The following KPNA5 variants were observed in gnomAD, a reference collection of about 807,000 sequenced individuals.
KPNA5 encodes the protein importin subunit alpha-6.
In KPNA5, 46 loss-of-function variants were observed where a neutral mutation model predicts 71.3. The ratio of observed to expected loss-of-function variants is 0.65; its 90% CI spans 0.51 to 0.83. The LOEUF (loss-of-function observed/expected upper bound fraction) is 0.83, where lower values mean the gene tolerates loss of function less well. Among genes scored for constraint, KPNA5 ranks in the 40% least tolerant of loss-of-function variants. The probability of loss-of-function intolerance (pLI) is 0.00; values close to 1 mark genes in which losing one functional copy is unlikely to be tolerated. For synonymous variants in KPNA5, 207 were observed against 201.4 expected (o/e 1.03, Z -0.24); for missense variants, 547 against 628.3 (o/e 0.87, Z 1.38).
At chr6:116,718,875 C>G (rs1414059384) in intron 8 of KPNA5, among the ~76,000 whole-genome samples, 1 of 151,586 alleles carries the variant, frequency 6.6e-6, no homozygotes, top group African/African-American at 2.4e-5. Flanking sequence ...TCAAGCAATT[C>G]TCCTGCCTCA....
chr6:116,694,646 A>G lies in KPNA5; in HGVS notation c.340+2254A>G, dbSNP rs569941986. Reference sequence around the variant, plus strand: ...CTTAAGGAGATTTTGGGCTGAGACGATGGGGTTTTCTAGATATACAATCAG... The same window carrying G: ...CTTAAGGAGATTTTGGGCTGAGACGGTGGGGTTTTCTAGATATACAATCAG... On this transcript the variant is annotated intron_variant, in intron 4 of 13. Coordinates refer to ENST00000368564, the MANE Select transcript of KPNA5 (RefSeq NM_001366306.2). Among the ~76,000 whole-genome samples, 196 of 152,264 alleles carry G rather than the reference A, an allele frequency of 1.3e-3. 1 individual carries two copies. Among genetic ancestry groups the G allele is most frequent in the Admixed American group, 4.8e-3 (73 of 15,286 alleles).
intron 12 of KPNA5, among the ~76,000 whole-genome samples, chr6:116,728,682 A>T (rs1779366136): frequency 6.6e-6 from 1 of 152,040 alleles, no homozygotes; most frequent in Admixed American, 6.6e-5. Flanking sequence ...CTTTTATTAA[A>T]TGTCTATTGT....
At chr6:116,696,916 G>T (rs1024588424) in intron 4 of KPNA5, among the ~76,000 whole-genome samples, 1 of 151,936 alleles carries the variant, frequency 6.6e-6, no homozygotes, top group African/African-American at 2.4e-5. Flanking sequence ...TCACCGGGAA[G>T]AAACTATATT....
intron 7 of KPNA5, among the ~76,000 whole-genome samples, chr6:116,711,783 A>G (rs1281037928): frequency 6.6e-6 from 1 of 152,092 alleles, no homozygotes; most frequent in Non-Finnish European, 1.5e-5. Flanking sequence ...CACCAAGCCC[A>G]GCTAATTTTT....
At chr6:116,693,664 A>G (rs1370356370) in intron 4 of KPNA5, among the ~76,000 whole-genome samples, 1 of 151,958 alleles carries the variant, frequency 6.6e-6, no homozygotes, top group African/African-American at 2.4e-5. Context: ...AGATTGCAAA[A>G]ATTTTCTCCC....
intron 13 of KPNA5, among the ~76,000 whole-genome samples, chr6:116,731,706 C>T (rs1035986996): frequency 6.6e-6 from 1 of 151,924 alleles, no homozygotes; most frequent in Non-Finnish European, 1.5e-5. Flanking sequence ...TCTGGCTCAG[C>T]GTGTTTTATT....
chr6:116,719,973 C>A (rs1779043201), intron 8 of KPNA5, among the ~76,000 whole-genome samples: 1 of 152,244 alleles, frequency 6.6e-6, no homozygotes. Flanking sequence ...TGCTTCATTT[C>A]AACCTCCACT....
intron 1 of KPNA5, 21 bp from the exon 2 acceptor site, chr6:116,689,299 T>G: frequency 6.3e-7 from 1 of 1,595,244 alleles, no homozygotes; most frequent in South Asian, 1.2e-5. Flanking sequence ...AGTGTCTGTT[T>G]TCTTTTCTCC....
chr6:116,689,437 A>C lies in KPNA5; in HGVS notation c.122A>C (p.Gln41Pro), dbSNP rs1215611913. The C allele has an allele frequency of 6.3e-7, 1 of 1,583,312 alleles. No individual in the cohort carries two copies. Among genetic ancestry groups the C allele is most frequent in the East Asian group, 2.3e-5 (1 of 44,122 alleles). ...REEEGIQLRK[Q>P]KREEQLFKRR... ...GAAGAAGGAATACAGCTTAGAAAAC[A>C]AAAAAGAGAAGAACAGGTAGGTGTT... The change falls in exon 2 of 14, where the codon CAA becomes CCA. Residue 41 changes from glutamine (Q) to proline (P), a missense_variant. Coordinates refer to ENST00000368564, the MANE Select transcript of KPNA5 (RefSeq NM_001366306.2).
At chr6:116,707,183 G>A (rs1165739928) in intron 7 of KPNA5, among the ~76,000 whole-genome samples, 1 of 151,658 alleles carries the variant, frequency 6.6e-6, no homozygotes, top group Non-Finnish European at 1.5e-5. Context: ...AAATGATTAT[G>A]CATTATTTGT....
intron 4 of KPNA5, among the ~76,000 whole-genome samples, chr6:116,694,100 C>T (rs1777923027): frequency 6.6e-6 from 1 of 152,188 alleles, no homozygotes; most frequent in African/African-American, 2.4e-5. Flanking sequence ...GTCTATATCT[C>T]TGTTTTGGTA....
At chr6:116,689,487 A>T (rs1204681400) in intron 2 of KPNA5, 34 bp downstream of exon 2, 6 of 1,492,660 alleles carry the variant, frequency 4.0e-6, no homozygotes, top group African/African-American at 1.4e-5. Context: ...TTTGTTTTTT[A>T]AAATTTTAAT....
intron 13 of KPNA5, among the ~76,000 whole-genome samples, chr6:116,731,121 A>G (rs895541585): frequency 3.9e-5 from 6 of 152,110 alleles, no homozygotes; most frequent in Admixed American, 1.3e-4. Context: ...TAAAACATTT[A>G]ATCATATGGA....
chr6:116,731,470 G>A (rs11967350), intron 13 of KPNA5, among the ~76,000 whole-genome samples: 2,704 of 152,112 alleles, frequency 0.018, 68 homozygotes, highest in South Asian at 0.06. Context: ...GATTGAAGTC[G>A]TTTATCTGTA....
chr6:116,700,906 G>A (rs1778206778), intron 5 of KPNA5, among the ~76,000 whole-genome samples: 1 of 152,040 alleles, frequency 6.6e-6, no homozygotes, highest in Admixed American at 6.6e-5. Flanking sequence ...TTTCACAGTT[G>A]TCACTTGCTT....
In KPNA5 at chr6:116,738,722, G is replaced by T. The variant is rs957495237; in HGVS notation, c.*6399G>T. 6.6e-6 allele frequency: 1 copy of T among 151,938 alleles called. No individual in the cohort carries two copies. Among genetic ancestry groups the T allele is most frequent in the Admixed American group, 6.6e-5 (1 of 15,222 alleles). 9.4% of individuals were successfully genotyped at this position (151,938 alleles called of 1,614,324 possible). ...TACGCAAATCAATAAATGTAATCCA[G>T]CATATAAACAGAACCAAAGACAAAA... On this transcript the variant is annotated 3_prime_UTR_variant, in exon 14 of 14. Transcript: ENST00000368564.
intron 7 of KPNA5, among the ~76,000 whole-genome samples, chr6:116,706,416 G>A (rs1490294885): frequency 2.0e-5 from 3 of 152,348 alleles, no homozygotes; most frequent in African/African-American, 7.2e-5. Flanking sequence ...CAGGCTGGGC[G>A]TGGTGGCTCA....
chr6:116,729,119 CTT>C (rs1211753473), intron 12 of KPNA5, among the ~76,000 whole-genome samples: 1 of 143,586 alleles, frequency 7.0e-6, no homozygotes, highest in Admixed American at 7.2e-5. Context: ...TTAGATGTCT[CTT>C]CTTTCTTTCC....
At chr6:116,694,393 T>C (rs572310949) in intron 4 of KPNA5, among the ~76,000 whole-genome samples, 2 of 152,290 alleles carry the variant, frequency 1.3e-5, no homozygotes, top group Admixed American at 6.5e-5. Flanking sequence ...TCCATTTGTT[T>C]GTATCCTCTT....
Sources: gnomAD v4.1 joint callset for allele counts (sites outside exome capture counted in the v4.1 genomes callset) on GRCh38, gnomAD v4.1.1 for gene constraint, MANE v1.5 for transcripts, NCBI Gene and HGNC (gene_info 2026-07-23, HGNC 2026-07-21) for gene names.